Variants in ARHGAP25 observed in about 807,000 individuals in gnomAD.
ARHGAP25 encodes rho GTPase-activating protein 25.
In ARHGAP25, 34 loss-of-function variants were observed where a neutral mutation model predicts 71.0. The ratio of observed to expected loss-of-function variants is 0.48; its 90% confidence interval spans 0.36 to 0.64. The LOEUF is 0.64. ARHGAP25 is among the 30% of genes least tolerant of loss of function. The pLI, the probability that ARHGAP25 is intolerant of heterozygous loss-of-function variation, is 0.00. For missense variants in ARHGAP25, 706 were observed against 805.1 expected (o/e 0.88, Z 1.49); for synonymous variants, 282 against 296.5 (o/e 0.95, Z 0.50).
chr2:68,713,103 A>G (rs758798174), intron 2 of ARHGAP25, among the ~76,000 whole-genome samples: 2 of 152,208 alleles, frequency 1.3e-5, no homozygotes. Context: ...TTTGGGCAGT[A>G]TGGTCATTTT....
chr2:68,802,622 TGATTTAGG>T (rs1440179793), intron 4 of ARHGAP25, among the ~76,000 whole-genome samples: 6 of 151,048 alleles, frequency 4.0e-5, no homozygotes, highest in Non-Finnish European at 8.8e-5. Flanking sequence ...GGAGAAGCAG[TGATTTAGG>T]GATGGGATGA....
chr2:68,812,784 C>A (rs1467543795), intron 5 of ARHGAP25, among the ~76,000 whole-genome samples: 1 of 152,200 alleles, frequency 6.6e-6, no homozygotes, highest in African/African-American at 2.4e-5. Flanking sequence ...AAGTATCTTG[C>A]AGTATCTTGC....
At position 68,825,883 on chromosome 2, in the gene ARHGAP25, C is replaced by A. The variant is rs1682090703; in HGVS notation, c.1734-104C>A. 1.1e-5 allele frequency: 11 copies of A among 982,068 alleles called. No homozygotes were observed. The Admixed American group carries it at 1.9e-4, about 17-fold the overall frequency. The allele number at this position is 982,068 out of a possible 1,614,324, so 60.8% of individuals were successfully genotyped here. A position where few individuals can be genotyped will look rare whatever the true frequency, so the allele number is the denominator to read the frequency against. ...CATAGCTGAGAGGTTGGATAAGGGTCTTGTGATTTGAAAGGAAAATGAGCA... is the reference window on the plus strand; with the variant it reads ...CATAGCTGAGAGGTTGGATAAGGGTATTGTGATTTGAAAGGAAAATGAGCA... On this transcript the variant is annotated intron_variant, in intron 10 of 10. Transcript: ENST00000409202.
chr2:68,764,056 C>G (rs1440573708), intron 1 of ARHGAP25, among the ~76,000 whole-genome samples: 1 of 152,210 alleles, frequency 6.6e-6, no homozygotes, highest in African/African-American at 2.4e-5. Flanking sequence ...CACCCTCAGT[C>G]CTGGCAACCA....
Position 68,800,036 on chromosome 2 carries a change from G to A in ARHGAP25, c.467-7237G>A, listed in dbSNP as rs116120542. On this transcript the variant is annotated intron_variant, in intron 4 of 10. Coordinates refer to ENST00000409202, the MANE Select transcript of ARHGAP25 (RefSeq NM_001007231.3). ...TTCAGGAGGAAAACCCCCAAGCTCC[G>A]AAAGAAAGGTATTTCTTTTTTATTT... Among the ~76,000 whole-genome samples the A allele has an allele frequency of 2.6e-3, 401 of 152,288 alleles. 4 individuals are homozygous for A. The highest frequency in any genetic ancestry group is 8.9e-3 in the African/African-American group (368 of 41,568).
In ARHGAP25 at chr2:68,791,944, C is replaced by T. The variant is rs112034019; in HGVS notation, c.466+3988C>T. Among the ~76,000 whole-genome samples, 350 of 152,284 alleles carry T rather than the reference C, an allele frequency of 2.3e-3. 2 individuals carry two copies. The highest frequency in any genetic ancestry group is 8.1e-3 in the African/African-American group (338 of 41,552). Reference sequence around the variant, plus strand: ...ATTTCTTGCCACCCTTCTCTAAGGGCTTGTGACTTCTGACAACTCATTCTC... The same window carrying T: ...ATTTCTTGCCACCCTTCTCTAAGGGTTTGTGACTTCTGACAACTCATTCTC... On this transcript the variant is annotated intron_variant, in intron 4 of 10. Coordinates refer to ENST00000409202, the MANE Select transcript of ARHGAP25 (RefSeq NM_001007231.3).
intron 2 of ARHGAP25, among the ~76,000 whole-genome samples, chr2:68,722,426 A>T (rs1447253424): frequency 6.6e-6 from 1 of 151,768 alleles, no homozygotes; most frequent in African/African-American, 2.4e-5. Flanking sequence ...AAAAATGCAA[A>T]AATCAGCCAG....
intron 1 of ARHGAP25, 41 bp from the exon 2 acceptor site, chr2:68,775,180 C>T: frequency 1.2e-6 from 2 of 1,614,214 alleles, no homozygotes; most frequent in Non-Finnish European, 1.7e-6. Context: ...CTCACTGCCC[C>T]ATGTCCCTCG....
At chr2:68,807,574 G>T in intron 5 of ARHGAP25, 94 bp downstream of exon 5, 1 of 1,261,256 alleles carries the variant, frequency 7.9e-7, no homozygotes, top group Non-Finnish European at 1.1e-6. Flanking sequence ...TATGGGACTT[G>T]CATAGAGACT....
chr2:68,818,805 A>AT (rs1409047731), intron 8 of ARHGAP25, among the ~76,000 whole-genome samples: 4 of 152,244 alleles, frequency 2.6e-5, no homozygotes, highest in Non-Finnish European at 5.9e-5. Flanking sequence ...TGAGGACCAC[A>AT]TCAGGAGAGA....
chr2:68,728,493 AAG>A (rs1317075367), intron 2 of ARHGAP25, among the ~76,000 whole-genome samples: 1 of 151,946 alleles, frequency 6.6e-6, no homozygotes, highest in East Asian at 1.9e-4. Context: ...GCCCATACCC[AAG>A]AGAGATGATT....
intron 5 of ARHGAP25, among the ~76,000 whole-genome samples, chr2:68,811,812 C>G (rs1680847502): frequency 6.6e-6 from 1 of 152,344 alleles, no homozygotes; most frequent in Admixed American, 6.5e-5. Flanking sequence ...TCCCTTCCCT[C>G]CTAGGACCAG....
At chr2:68,800,018 G>A (rs1281969860) in intron 4 of ARHGAP25, among the ~76,000 whole-genome samples, 2 of 152,170 alleles carry the variant, frequency 1.3e-5, no homozygotes, top group African/African-American at 4.8e-5. Context: ...GATTTCAGGA[G>A]GAAAACCCCC....
At chr2:68,809,914 G>A (rs1400121794) in intron 5 of ARHGAP25, among the ~76,000 whole-genome samples, 1 of 152,140 alleles carries the variant, frequency 6.6e-6, no homozygotes, top group African/African-American at 2.4e-5. Flanking sequence ...TCCTTGCCAA[G>A]TTTCTACCAG....
chr2:68,793,345 C>G (rs2104413685), intron 4 of ARHGAP25, among the ~76,000 whole-genome samples: 1 of 152,216 alleles, frequency 6.6e-6, no homozygotes, highest in East Asian at 1.9e-4. Context: ...AATTCTTTGC[C>G]TAGACCAATG....
chr2:68,767,514 G>A lies in ARHGAP25; in HGVS notation c.62-7707G>A, dbSNP rs1677202353. 6.6e-6 allele frequency among the ~76,000 whole-genome samples: 1 copy of A among 152,112 alleles called. No individual in the cohort carries two copies. Among genetic ancestry groups the A allele is most frequent in the Admixed American group, 6.5e-5 (1 of 15,274 alleles). ...TCATTTTCAGGTGGTAGCAATGCCA[G>A]GTCTGCTGTTTCAGAGAGCTCCCCA... On this transcript the variant is annotated intron_variant, in intron 1 of 10. Transcript: ENST00000409202. This position sits in a 1 kb window ranked among gnomAD's most constrained non-coding sequence, Gnocchi z 4.6.
intron 1 of ARHGAP25, among the ~76,000 whole-genome samples, chr2:68,736,707 A>G (rs1471364060): frequency 6.6e-6 from 1 of 152,184 alleles, no homozygotes; most frequent in Non-Finnish European, 1.5e-5. Flanking sequence ...ATTTTTACCA[A>G]TGTTTCTTAA....
At chr2:68,768,210 A>C (rs897813487) in intron 1 of ARHGAP25, among the ~76,000 whole-genome samples, 1 of 152,208 alleles carries the variant, frequency 6.6e-6, no homozygotes, top group Admixed American at 6.5e-5. Context: ...GCATTAAATG[A>C]CACAGCTCTA....
intron 1 of ARHGAP25, among the ~76,000 whole-genome samples, chr2:68,768,044 A>G (rs1052670667): frequency 2.6e-5 from 4 of 152,198 alleles, no homozygotes; most frequent in African/African-American, 9.7e-5. Context: ...CCACAAGAAT[A>G]CATGCTCCTT....
Sources: allele counts gnomAD v4.1 joint callset (sites outside exome capture counted in the v4.1 genomes callset), GRCh38; gene constraint gnomAD v4.1.1; non-coding constraint Gnocchi (gnomAD v3.1); transcripts MANE v1.5; gene names NCBI Gene and HGNC (gene_info 2026-07-23, HGNC 2026-07-21).